The following TENM3 variants were observed in gnomAD, a reference collection of about 807,000 sequenced individuals.
The protein encoded by TENM3 is teneurin transmembrane protein 3.
TENM3 carries 63 observed loss-of-function variants against 255.1 expected under a neutral mutation model. That is an observed-to-expected ratio of 0.25 (90% CI 0.20 to 0.30). The LOEUF is 0.30. Among genes scored for constraint, TENM3 ranks in the 10% least tolerant of loss-of-function variants. TENM3 has a pLI of 1.00. For synonymous variants in TENM3, 1,306 were observed against 1,322.3 expected (o/e 0.99, Z 0.27); for missense variants, 2,929 against 3,461.1 (o/e 0.85, Z 3.86).
At chr4:182,511,688 C>T (rs1188207543) in intron 3 of TENM3, among the ~76,000 whole-genome samples, 1 of 152,008 alleles carries the variant, frequency 6.6e-6, no homozygotes, top group Admixed American at 6.6e-5. Context: ...GAGAATGTAG[C>T]ATTTGTAAAT....
At chr4:181,910,630 ATGTGTG>A in the TENM3 span, among the ~76,000 whole-genome samples, 1 of 93,822 alleles carries the variant, frequency 1.1e-5, no homozygotes, top group African/African-American at 3.7e-5. Context: ...GTGTGTGTGT[ATGTGTG>A]TGTGTGTGTG....
chr4:182,143,577 G>A (rs987370109), upstream of TENM3: 2 of 166,780 alleles, frequency 1.2e-5, no homozygotes, highest in African/African-American at 4.8e-5. This position sits in a 1 kb window ranked among gnomAD's most constrained non-coding sequence, Gnocchi z 4.3. Flanking sequence ...AGTTTTCTAA[G>A]AAGGTTAGAG....
chr4:182,096,476 TAAATG>T, the TENM3 span, among the ~76,000 whole-genome samples: 213 of 152,232 alleles, frequency 1.4e-3, no homozygotes, highest in African/African-American at 4.8e-3. Flanking sequence ...TTTCAACTAA[TAAATG>T]AAAAAGAAAT....
chr4:182,022,990 T>C, the TENM3 span, among the ~76,000 whole-genome samples: 7 of 152,200 alleles, frequency 4.6e-5, no homozygotes, highest in Admixed American at 4.6e-4. Context: ...CCTGAGCAGA[T>C]GCGTTTTCCA....
the TENM3 span, among the ~76,000 whole-genome samples, chr4:181,585,334 GTGT>G: frequency 6.6e-6 from 1 of 152,066 alleles, no homozygotes; most frequent in African/African-American, 2.4e-5. Flanking sequence ...TATCTCTTAC[GTGT>G]TGTTCTTATT....
chr4:182,761,133 T>G (rs976213668), intron 22 of TENM3, among the ~76,000 whole-genome samples: 1 of 152,128 alleles, frequency 6.6e-6, no homozygotes, highest in Non-Finnish European at 1.5e-5. Flanking sequence ...TTATAGAGGT[T>G]ATCGGCTGGG....
chr4:181,875,677 A>T, the TENM3 span, among the ~76,000 whole-genome samples: 1 of 152,062 alleles, frequency 6.6e-6, no homozygotes, highest in Non-Finnish European at 1.5e-5. Flanking sequence ...TCCTGCATGG[A>T]CTCTACGTTC....
chr4:181,698,150 G>A, the TENM3 span, among the ~76,000 whole-genome samples: 1 of 151,070 alleles, frequency 6.6e-6, no homozygotes, highest in African/African-American at 2.4e-5. Flanking sequence ...GGAGGCGGAG[G>A]TTGCAGTGAG....
chr4:182,321,985 G>T (rs1176046951), intron 1 of TENM3, among the ~76,000 whole-genome samples: 1 of 152,058 alleles, frequency 6.6e-6, no homozygotes, highest in Non-Finnish European at 1.5e-5. Context: ...ACTTCTCTTT[G>T]TTGGAATAAA....
chr4:181,698,229 A>G, the TENM3 span, among the ~76,000 whole-genome samples: 1 of 151,844 alleles, frequency 6.6e-6, no homozygotes. Context: ...AAAAAAAAAA[A>G]AGATAAAATG....
rs1490315147 is a variant in TENM3, at chr4:182,158,774, T to C, written c.-76+14020T>C. Among the ~76,000 whole-genome samples the C allele has an allele frequency of 4.6e-5, 7 of 152,178 alleles. No homozygotes were observed. In the East Asian group the frequency reaches 1.3e-3, roughly 29 times the overall value. ...ATACACCTATTGTTTGGAGCGGAAC[T>C]GCAGTGGCCAGCTATAACTAAAGTA... is the stretch of plus-strand genomic sequence containing the variant. On this transcript the variant is annotated intron_variant, in intron 1 of 2. Coordinates refer to the TENM3 transcript ENST00000512480.
Position 182,634,549 on chromosome 4 carries a change from T to C in TENM3, c.988+5660T>C, listed in dbSNP as rs1321252259. 2.0e-5 allele frequency among the ~76,000 whole-genome samples: 3 copies of C among 152,162 alleles called. No homozygotes were observed. In the East Asian group the frequency reaches 5.8e-4, roughly 29 times the overall value. ...ATCCTGCTCTAATCCATTAACCTTT[T>C]GAGTTGCTGTGCCTTTACGCAACAA... On this transcript the variant is annotated intron_variant, in intron 5 of 27. Coordinates refer to ENST00000511685, the MANE Select transcript of TENM3 (RefSeq NM_001080477.4).
At chr4:181,751,459 G>T in the TENM3 span, among the ~76,000 whole-genome samples, 1 of 149,206 alleles carries the variant, frequency 6.7e-6, no homozygotes, top group Non-Finnish European at 1.5e-5. Context: ...TTCCCAGTCT[G>T]CAATCCAAGA....
the TENM3 span, among the ~76,000 whole-genome samples, chr4:181,574,473 G>A: frequency 3.3e-5 from 5 of 151,706 alleles, no homozygotes; most frequent in African/African-American, 1.2e-4. Flanking sequence ...GGAGCTTGCA[G>A]TGAGCCGAGA....
chr4:182,621,803 A>C (rs1388585133), intron 4 of TENM3, among the ~76,000 whole-genome samples: 1 of 14,010 alleles, frequency 7.1e-5, no homozygotes, highest in Non-Finnish European at 1.8e-4. Flanking sequence ...AATATATAAT[A>C]TATATATTAT....
At chr4:181,568,265 G>A in the TENM3 span, among the ~76,000 whole-genome samples, 1 of 151,344 alleles carries the variant, frequency 6.6e-6, no homozygotes, top group South Asian at 2.1e-4. Flanking sequence ...CTGGGTTCAA[G>A]TGATTCTCCT....
the TENM3 span, among the ~76,000 whole-genome samples, chr4:181,946,995 C>T: frequency 1.7e-3 from 254 of 152,204 alleles, no homozygotes; most frequent in South Asian, 3.1e-3. Flanking sequence ...AATCACTGAC[C>T]GTGTTTGTGA....
chr4:181,993,847 G>A, the TENM3 span, among the ~76,000 whole-genome samples: 2 of 152,008 alleles, frequency 1.3e-5, no homozygotes, highest in African/African-American at 4.8e-5. Context: ...AATGCTGCCC[G>A]TTGGTTCTCT....
chr4:182,679,493 C>T (rs1027787782), intron 7 of TENM3, among the ~76,000 whole-genome samples, 173 bp from the exon 8 acceptor site: 1 of 152,116 alleles, frequency 6.6e-6, no homozygotes, highest in Admixed American at 6.5e-5. Context: ...GAATAGTTTG[C>T]GTCCTCCTTG....
Sources: allele counts gnomAD v4.1 joint callset (sites outside exome capture counted in the v4.1 genomes callset), GRCh38; gene constraint gnomAD v4.1.1; non-coding constraint Gnocchi (gnomAD v3.1); transcripts MANE v1.5; gene names NCBI Gene and HGNC (gene_info 2026-07-23, HGNC 2026-07-21).